Variants in LOC122539214 observed in about 807,000 individuals in gnomAD.
chr19:52,686,721 C>T, the LOC122539214 span, among the ~76,000 whole-genome samples: 2 of 151,982 alleles, frequency 1.3e-5, no homozygotes, highest in African/African-American at 4.8e-5. Flanking sequence ...TACAGGTGCA[C>T]GCCACCATGC....
At chr19:52,653,865 G>A in the LOC122539214 span, among the ~76,000 whole-genome samples, 2 of 152,112 alleles carry the variant, frequency 1.3e-5, no homozygotes, top group African/African-American at 4.8e-5. Flanking sequence ...TTAAATGTGA[G>A]CTATAATTAA....
chr19:52,653,179 C>T, the LOC122539214 span: 5 of 1,501,014 alleles, frequency 3.3e-6, no homozygotes, highest in South Asian at 2.2e-5. Flanking sequence ...TCTACGATGG[C>T]CCACAAGGGA....
chr19:52,676,260 G>C, the LOC122539214 span, among the ~76,000 whole-genome samples: 2 of 152,238 alleles, frequency 1.3e-5, no homozygotes, highest in Admixed American at 1.3e-4. Flanking sequence ...CGGGATTGCA[G>C]ACGGAGTCTC....
At chr19:52,682,206 T>A in the LOC122539214 span, among the ~76,000 whole-genome samples, 6 of 149,372 alleles carry the variant, frequency 4.0e-5, no homozygotes, top group East Asian at 7.8e-4. Context: ...CTTAAAATTA[T>A]TAAAATTATA....
At chr19:52,687,477 T>TATATAAATTATA in the LOC122539214 span, among the ~76,000 whole-genome samples, 8 of 61,982 alleles carry the variant, frequency 1.3e-4, no homozygotes, top group African/African-American at 6.0e-4. Context: ...TTTATATATC[T>TATATAAATTATA]ATATAAATTA....
the LOC122539214 span, among the ~76,000 whole-genome samples, chr19:52,687,604 TATATATA>T: frequency 2.3e-4 from 9 of 38,974 alleles, no homozygotes; most frequent in East Asian, 1.4e-3. Context: ...ATAATGTATA[TATATATA>T]ATGTGTATAT....
At chr19:52,683,226 CTCTGTGTGTGTGTGTGTGTGTGTGTGTG>C in the LOC122539214 span, among the ~76,000 whole-genome samples, 12 of 135,652 alleles carry the variant, frequency 8.8e-5, 1 homozygote, top group African/African-American at 1.4e-4. Context: ...TGCCCTGTGA[CTCTGTGTGTGTGTGTGTGTGTGTGTGTG>C]TGTGTGTGTG....
chr19:52,664,584 C>T, the LOC122539214 span, among the ~76,000 whole-genome samples: 14 of 152,254 alleles, frequency 9.2e-5, no homozygotes, highest in African/African-American at 2.6e-4. Flanking sequence ...TTTAAGTCCA[C>T]GCCATCTGCT....
At chr19:52,671,900 G>A in the LOC122539214 span, among the ~76,000 whole-genome samples, 1 of 152,138 alleles carries the variant, frequency 6.6e-6, no homozygotes, top group African/African-American at 2.4e-5. Context: ...TTGCAGTCAA[G>A]TTATTCCGTT....
At chr19:52,677,123 T>C in the LOC122539214 span, among the ~76,000 whole-genome samples, 1 of 34,244 alleles carries the variant, frequency 2.9e-5, no homozygotes, top group Admixed American at 3.2e-4. Context: ...GAATGATCAA[T>C]TAAAAAAAAA....
the LOC122539214 span, chr19:52,651,382 G>C: frequency 5.9e-5 from 9 of 152,180 alleles, no homozygotes; most frequent in Admixed American, 2.6e-4. Context: ...TAACTTGTTT[G>C]GCCAAATTCT....
chr19:52,686,448 CA>C, the LOC122539214 span, among the ~76,000 whole-genome samples: 381 of 91,168 alleles, frequency 4.2e-3, 1 homozygote, highest in African/African-American at 0.019. Context: ...ACTCCAACTG[CA>C]AAAAAATTAC....
At chr19:52,652,242 C>T in the LOC122539214 span, 15 of 225,872 alleles carry the variant, frequency 6.6e-5, no homozygotes, top group Non-Finnish European at 7.0e-5. Context: ...TTGAGAGCAA[C>T]CAGGCCAACA....
chr19:52,670,193 T>C, the LOC122539214 span, among the ~76,000 whole-genome samples: 1 of 151,994 alleles, frequency 6.6e-6, no homozygotes. Flanking sequence ...TGACTCATTC[T>C]GATCACCTGC....
the LOC122539214 span, among the ~76,000 whole-genome samples, chr19:52,683,857 G>A: frequency 6.6e-6 from 1 of 152,144 alleles, no homozygotes; most frequent in Admixed American, 6.6e-5. Context: ...CCCAGAGTAG[G>A]TGCTGCTGTT....
the LOC122539214 span, among the ~76,000 whole-genome samples, chr19:52,676,235 G>A: frequency 3.3e-5 from 5 of 152,124 alleles, no homozygotes; most frequent in Non-Finnish European, 5.9e-5. Flanking sequence ...TGCCAGCCTC[G>A]GCCTCCCGAG....
chr19:52,684,763 T>C, the LOC122539214 span, among the ~76,000 whole-genome samples: 1 of 151,660 alleles, frequency 6.6e-6, no homozygotes, highest in Non-Finnish European at 1.5e-5. Context: ...GCAGGGACAA[T>C]GACCTGAGAC....
chr19:52,680,691 C>CAA, the LOC122539214 span, among the ~76,000 whole-genome samples: 1 of 136,744 alleles, frequency 7.3e-6, no homozygotes, highest in Non-Finnish European at 1.5e-5. Context: ...CGGCTCACTG[C>CAA]AAGCTCCGCC....
At chr19:52,683,270 GTGTGTGTGTGTA>G in the LOC122539214 span, among the ~76,000 whole-genome samples, 321 of 93,506 alleles carry the variant, frequency 3.4e-3, no homozygotes, top group African/African-American at 0.011. Context: ...GTGTGTGTGT[GTGTGTGTGTGTA>G]TGCTCACGTG....
Sources: gnomAD v4.1 joint callset for allele counts (sites outside exome capture counted in the v4.1 genomes callset) on GRCh38, gnomAD v4.1.1 for gene constraint, MANE v1.5 for transcripts.